The following A2M variants were observed in gnomAD, a reference collection of about 807,000 sequenced individuals.
A2M encodes alpha-2-macroglobulin.
A neutral mutation model predicts 183.9 loss-of-function variants in A2M; 128 were observed. The observed-to-expected ratio is 0.70, with a 90% confidence interval of 0.60 to 0.81. A2M has a LOEUF of 0.81. Among genes scored for constraint, A2M ranks in the 30% least tolerant of loss-of-function variants. The probability of loss-of-function intolerance (pLI) is 0.00; values close to 1 mark genes in which losing one functional copy is unlikely to be tolerated. For missense variants in A2M, 1,495 were observed against 1,787.6 expected (o/e 0.84, Z 2.95); for synonymous variants, 592 against 670.8 (o/e 0.88, Z 1.81).
chr12:9,112,637 A>AAC, intron 2 of A2M, 101 bp from the exon 3 acceptor site: 4 of 1,302,206 alleles, frequency 3.1e-6, no homozygotes, highest in Non-Finnish European at 3.2e-6. Flanking sequence ...CTTCTTACTT[A>AAC]ACTTCACTCC....
intron 8 of A2M, among the ~76,000 whole-genome samples, 188 bp downstream of exon 8, chr12:9,107,336 A>G (rs1938370342): frequency 6.6e-6 from 1 of 152,202 alleles, no homozygotes. Context: ...AACACTCACA[A>G]TGGGCAATTA....
intron 22 of A2M, among the ~76,000 whole-genome samples, chr12:9,085,244 T>C (rs1949020405): frequency 6.6e-6 from 1 of 152,132 alleles, no homozygotes; most frequent in Non-Finnish European, 1.5e-5. Flanking sequence ...AGATAGATCA[T>C]ATTTTAGCCC....
chr12:9,071,362 G>C lies in A2M; in HGVS notation c.4104-784C>G, dbSNP rs551113936. Among the ~76,000 whole-genome samples, 23 of 151,958 alleles carry C rather than the reference G, an allele frequency of 1.5e-4. No individual in the cohort carries two copies. In the South Asian group the frequency reaches 1.9e-3, roughly 12 times the overall value. On this transcript the variant is annotated intron_variant, in intron 31 of 35. Coordinates refer to ENST00000318602, the MANE Select transcript of A2M (RefSeq NM_000014.6). ...AACACCTAGCGTCTTGTCCCCGAGA[G>C]TTTGCATCCGAAATTTGGACTGCTT...
Position 9,079,924 on chromosome 12 carries a change from G to C in A2M, c.2855-109C>G, listed in dbSNP as rs1317889021. ...TTAGAAATTGAGAATTTTTAGGAAG[G>C]ATGATTCTTCCAGGGATAGAAGTAT... is the stretch of plus-strand genomic sequence containing the variant. On this transcript the variant is annotated intron_variant, in intron 23 of 35. Coordinates refer to ENST00000318602, the MANE Select transcript of A2M (RefSeq NM_000014.6). The C allele has an allele frequency of 2.6e-6, 3 of 1,143,144 alleles. No individual in the cohort carries two copies. The East Asian group carries it at 8.1e-5, about 31-fold the overall frequency. The allele number at this position is 1,143,144 out of a possible 1,614,324, so 70.8% of individuals were successfully genotyped here.
At chr12:9,080,265 G>T in intron 22 of A2M, 88 bp from the exon 23 acceptor site, 2 of 787,548 alleles carry the variant, frequency 2.5e-6, no homozygotes, top group Non-Finnish European at 4.1e-6. Flanking sequence ...CTAGGACTAT[G>T]CCTTATACCT....
At position 9,104,937 on chromosome 12, in the gene A2M, C is replaced by T. The variant is rs886898423; in HGVS notation, c.1105-537G>A. On this transcript the variant is annotated intron_variant, in intron 10 of 35. Transcript: ENST00000318602. ...TGCCAATACATTGTCCTGTGTGTTT[C>T]TCCAGTTGCCTTAGACATGGTCTCT... is the stretch of plus-strand genomic sequence containing the variant. Among the ~76,000 whole-genome samples, 4 of 152,168 alleles carry T rather than the reference C, an allele frequency of 2.6e-5. No homozygotes were observed. The East Asian group carries it at 7.7e-4, about 29-fold the overall frequency.
chr12:9,093,646 G>T, intron 17 of A2M, 67 bp from the exon 18 acceptor site: 5 of 776,606 alleles, frequency 6.4e-6, no homozygotes, highest in African/African-American at 1.8e-5. Context: ...GAATGTAATA[G>T]TTGCCACCAA....
chr12:9,112,048 AC>A lies in A2M; in HGVS notation c.483+110del. On this transcript the variant is annotated intron_variant, in intron 4 of 35. Coordinates refer to ENST00000318602, the MANE Select transcript of A2M (RefSeq NM_000014.6). Reference sequence around the variant, plus strand: ...TTGTGCTGTTGTAATGCCAGAAGTTACTGTTAATGATACCAGATTCTTCCTC... The same window carrying A: ...TTGTGCTGTTGTAATGCCAGAAGTTATGTTAATGATACCAGATTCTTCCTC... The A allele has an allele frequency of 4.1e-6, 4 of 984,260 alleles. No individual in the cohort carries two copies. The Admixed American group carries it at 6.8e-5, about 17-fold the overall frequency. 61.0% of individuals were successfully genotyped at this position (984,260 alleles called of 1,614,324 possible).
chr12:9,089,131 AT>A, intron 22 of A2M, 68 bp downstream of exon 22: 1 of 1,195,836 alleles, frequency 8.4e-7, no homozygotes, highest in Non-Finnish European at 1.2e-6. Flanking sequence ...TAGGAATAAT[AT>A]ATAAATGTTC....
At chr12:9,110,914 A>G (rs561801089) in intron 4 of A2M, among the ~76,000 whole-genome samples, 4 of 152,144 alleles carry the variant, frequency 2.6e-5, no homozygotes, top group Admixed American at 6.5e-5. Flanking sequence ...ATGGATTAAC[A>G]TGTCTTAAGT....
chr12:9,100,651 G>GA (rs927085099), intron 13 of A2M, among the ~76,000 whole-genome samples: 20 of 152,130 alleles, frequency 1.3e-4, no homozygotes, highest in East Asian at 1.9e-4. Context: ...TAAAGGGTGA[G>GA]AAAAAAACCA....
In A2M at chr12:9,072,887, G is replaced by A. The variant is rs947670562; in HGVS notation, c.3757-16C>T. 3 of 1,605,334 alleles carry A rather than the reference G, an allele frequency of 1.9e-6. No individual in the cohort carries two copies. The African/African-American group carries it at 4.0e-5, about 21-fold the overall frequency. The stretch of plus-strand genomic sequence containing the variant: ...CCACTGTGTCCTGTTAGAGACAGAT[G>A]AGTGAGAGAACCCATTGGGCATTAT... On this transcript the variant is annotated splice_polypyrimidine_tract_variant and intron_variant, in intron 29 of 35. Transcript: ENST00000318602.
intron 17 of A2M, among the ~76,000 whole-genome samples, chr12:9,094,477 AGAGCC>A (rs200957567): frequency 0.022 from 3,319 of 151,506 alleles, 123 homozygotes; most frequent in African/African-American, 0.075. Flanking sequence ...TGAATTCCAT[AGAGCC>A]AACTGATTCT....
In A2M at chr12:9,114,011, T is replaced by C. The variant is rs149344141; in HGVS notation, c.87-468A>G. Among the ~76,000 whole-genome samples the C allele has an allele frequency of 2.0e-5, 3 of 152,322 alleles. No homozygotes were observed. The East Asian group carries it at 5.8e-4, about 29-fold the overall frequency. On this transcript the variant is annotated intron_variant, in intron 1 of 35. Coordinates refer to ENST00000318602, the MANE Select transcript of A2M (RefSeq NM_000014.6). Reference sequence around the variant, plus strand: ...ATTCAGCAGCCCTGTGAAAATTGTATGGTAAGCACTCGCTTCCACTCCACA... The same window carrying C: ...ATTCAGCAGCCCTGTGAAAATTGTACGGTAAGCACTCGCTTCCACTCCACA...
rs766703908 is a variant in A2M at position 9,079,733 on chromosome 12, G to A, written c.2937C>T (p.Leu979=). ...PYGCGEQNMV[L]FAPNIYVLDY... ...CCAGTACATAGATGTTAGGAGCAAA[G>A]AGGACCATATTCTGCTCTCCACAGC... Residue 979 remains leucine (L), a synonymous_variant, in exon 24 of 36, where the codon CTC becomes CTT. Coordinates refer to ENST00000318602, the MANE Select transcript of A2M (RefSeq NM_000014.6). 3.7e-6 allele frequency: 6 copies of A among 1,613,716 alleles called. No homozygotes were observed. Among genetic ancestry groups the A allele is most frequent in the South Asian group, 2.2e-5 (2 of 91,028 alleles).
At chr12:9,094,674 G>C (rs57244299) in intron 17 of A2M, among the ~76,000 whole-genome samples, 1 of 152,080 alleles carries the variant, frequency 6.6e-6, no homozygotes, top group East Asian at 1.9e-4. Context: ...ATGTTTTGGG[G>C]AAGTTGAACA....
At chr12:9,098,455 C>T in intron 15 of A2M, 152 bp downstream of exon 15, 1 of 558,436 alleles carries the variant, frequency 1.8e-6, no homozygotes, top group Non-Finnish European at 2.7e-6. Flanking sequence ...TATATAATTC[C>T]TTACCAATGA....
Position 9,099,392 on chromosome 12 carries a change from G to T in A2M, c.1690C>A (p.Leu564Met), listed in dbSNP as rs1373844817. 1.9e-6 allele frequency: 3 copies of T among 1,557,662 alleles called. No homozygotes were observed. Among genetic ancestry groups the T allele is most frequent in the Non-Finnish European group, 2.6e-6 (3 of 1,150,312 alleles). The change falls in exon 14 of 36, where the codon CTG becomes ATG. Residue 564 changes from leucine (L) to methionine (M), a missense_variant. Transcript: ENST00000318602. ...TCTAAAACACACACCTTGTTGGCCAGACAATTTTCAACATCATATTTTGCA... is the reference window on the plus strand; with the variant it reads ...TCTAAAACACACACCTTGTTGGCCATACAATTTTCAACATCATATTTTGCA... ...DSAKYDVENC[L>M]ANKVDLSFSP...
chr12:9,080,983 T>TA (rs1290559212), intron 22 of A2M, among the ~76,000 whole-genome samples: 6 of 152,182 alleles, frequency 3.9e-5, no homozygotes, highest in Non-Finnish European at 7.4e-5. Context: ...ACTACAATTT[T>TA]AGTATTGGTG....
Sources: allele counts gnomAD v4.1 joint callset (sites outside exome capture counted in the v4.1 genomes callset), GRCh38; gene constraint gnomAD v4.1.1; transcripts MANE v1.5; gene names NCBI Gene and HGNC (gene_info 2026-07-23, HGNC 2026-07-21).